Variants in PTTG1IP observed in about 807,000 individuals in gnomAD.
The protein encoded by PTTG1IP is PTTG1 interacting protein, also known as pituitary tumor-transforming gene 1 protein-interacting protein.
Under a neutral mutation model 24.4 loss-of-function variants are expected in PTTG1IP, and 16 were observed. That is an observed-to-expected ratio of 0.66 (90% CI 0.44 to 1.00). PTTG1IP has a LOEUF of 1.00. PTTG1IP is among the 50% of genes least tolerant of loss of function. The pLI is 0.00. For missense variants in PTTG1IP, 241 were observed against 245.8 expected (o/e 0.98, Z 0.13); for synonymous variants, 89 against 96.8 (o/e 0.92, Z 0.47).
At chr21:44,853,792 G>A (rs1009454206) in intron 5 of PTTG1IP, among the ~76,000 whole-genome samples, 4 of 152,184 alleles carry the variant, frequency 2.6e-5, no homozygotes, top group Non-Finnish European at 4.4e-5. Context: ...GAGAGTCAGC[G>A]CCCAAGCACA....
chr21:44,855,277 A>G, intron 4 of PTTG1IP, 21 bp from the exon 5 acceptor site: 1 of 1,605,758 alleles, frequency 6.2e-7, no homozygotes, highest in East Asian at 2.2e-5. Context: ...GAGGAACATT[A>G]TGAGCACCAA....
chr21:44,857,659 T>C (rs990731314), intron 3 of PTTG1IP, among the ~76,000 whole-genome samples: 1 of 152,262 alleles, frequency 6.6e-6, no homozygotes, highest in Non-Finnish European at 1.5e-5. Context: ...ACTTGCTGCA[T>C]GCCTGGGCCC....
chr21:44,861,794 C>T, intron 2 of PTTG1IP: 1 of 717,554 alleles, frequency 1.4e-6, no homozygotes, highest in East Asian at 2.7e-5. Flanking sequence ...ACTTCACTGG[C>T]TGAAGTCTCC....
chr21:44,851,275 C>A lies in PTTG1IP; in HGVS notation c.*306G>T. On this transcript the variant is annotated 3_prime_UTR_variant, in exon 6 of 6. Transcript: ENST00000330938. ...TGACAGCCACAGCGCTGGGTGCCGT[C>A]AGGCGGCTTCGTGTGCAGTTAGCGT... is the stretch of plus-strand genomic sequence containing the variant. The A allele has an allele frequency of 7.2e-7, 1 of 1,385,830 alleles. No individual in the cohort carries two copies. Among genetic ancestry groups the A allele is most frequent in the East Asian group, 2.5e-5 (1 of 39,576 alleles). 85.8% of individuals were successfully genotyped at this position (1,385,830 alleles called of 1,614,324 possible).
rs1757459524 is a variant in PTTG1IP at position 44,865,461 on chromosome 21, G to C, written c.116-14C>G. 2 of 1,613,894 alleles carry C rather than the reference G, an allele frequency of 1.2e-6. No individual in the cohort carries two copies. The highest frequency in any genetic ancestry group is 1.7e-5 in the Admixed American group (1 of 59,998). On this transcript the variant is annotated splice_polypyrimidine_tract_variant and intron_variant, in intron 1 of 5. Coordinates refer to ENST00000330938, the MANE Select transcript of PTTG1IP (RefSeq NM_004339.4). ...TCTGAGAACAAGCTGCAGGAAAGAGGCAAGAGACAAGTCAGTCACTGAGAA... is the reference window on the plus strand; with the variant it reads ...TCTGAGAACAAGCTGCAGGAAAGAGCCAAGAGACAAGTCAGTCACTGAGAA...
In PTTG1IP at chr21:44,873,534, G is replaced by A. The variant is rs1032260127; in HGVS notation, c.83C>T (p.Pro28Leu). The A allele has an allele frequency of 2.0e-6, 3 of 1,469,946 alleles. No individual in the cohort carries two copies. The highest frequency in any genetic ancestry group is 2.7e-6 in the Non-Finnish European group (3 of 1,117,020). The allele number at this position is 1,469,946 out of a possible 1,614,324, so 91.1% of individuals were successfully genotyped here. Residue 28 changes from proline to leucine, a missense_variant, in exon 1 of 6, where the codon CCG becomes CTG. By Grantham distance (98) the Pro-to-Leu change is moderately conservative. Transcript: ENST00000330938. ...GGAALLLLLIPVAAAQEPPGA... is the reference protein window; with the variant it reads ...GGAALLLLLILVAAAQEPPGA... The stretch of plus-strand genomic sequence containing the variant: ...GGGAGGCTCCTGCGCGGCGGCCACC[G>A]GGATGAGCAGCAGGAGCAGCGCGGC...
At chr21:44,853,815 G>C (rs982216793) in intron 5 of PTTG1IP, among the ~76,000 whole-genome samples, 1 of 152,210 alleles carries the variant, frequency 6.6e-6, no homozygotes, top group Non-Finnish European at 1.5e-5. Flanking sequence ...GCACTCAGGA[G>C]ACTGATGGGC....
At chr21:44,870,153 A>G (rs1041035674) in intron 1 of PTTG1IP, among the ~76,000 whole-genome samples, 4 of 152,208 alleles carry the variant, frequency 2.6e-5, no homozygotes, top group African/African-American at 9.6e-5. Context: ...AATAAGGGGG[A>G]AAACACCAAT....
At chr21:44,856,077 A>T in intron 4 of PTTG1IP, 116 bp downstream of exon 4, 1 of 1,593,740 alleles carries the variant, frequency 6.3e-7, no homozygotes, top group Non-Finnish European at 8.6e-7. Flanking sequence ...CACTATACAC[A>T]TTCTTAATTT....
At chr21:44,861,561 C>CA (rs1228808608) in intron 2 of PTTG1IP, among the ~76,000 whole-genome samples, 2 of 152,188 alleles carry the variant, frequency 1.3e-5, no homozygotes, top group Non-Finnish European at 2.9e-5. Context: ...GTGTTGGCAG[C>CA]CTCCTGAGTG....
At chr21:44,872,444 G>A (rs917002553) in intron 1 of PTTG1IP, among the ~76,000 whole-genome samples, 1 of 152,168 alleles carries the variant, frequency 6.6e-6, no homozygotes, top group Non-Finnish European at 1.5e-5. Context: ...AGCCCCTCAA[G>A]CTGGGCCCAG....
At chr21:44,864,771 G>T (rs563745350) in intron 2 of PTTG1IP, among the ~76,000 whole-genome samples, 95 of 152,344 alleles carry the variant, frequency 6.2e-4, no homozygotes, top group Middle Eastern at 3.4e-3. Context: ...TTCCAGGTGG[G>T]CATCTGCATC....
Position 44,865,451 on chromosome 21 carries a change from C to T in PTTG1IP, c.116-4G>A. ...TTGTTTGTGTTCTGAGAACAAGCTG[C>T]AGGAAAGAGGCAAGAGACAAGTCAG... On this transcript the variant is annotated splice_polypyrimidine_tract_variant and splice_region_variant and intron_variant, in intron 1 of 5. Coordinates refer to ENST00000330938, the MANE Select transcript of PTTG1IP (RefSeq NM_004339.4). The T allele has an allele frequency of 6.2e-7, 1 of 1,614,108 alleles. No individual in the cohort carries two copies. The highest frequency in any genetic ancestry group is 8.5e-7 in the Non-Finnish European group (1 of 1,179,992).
intron 1 of PTTG1IP, among the ~76,000 whole-genome samples, chr21:44,868,786 A>G (rs2083562584): frequency 6.6e-6 from 1 of 152,126 alleles, no homozygotes; most frequent in South Asian, 2.1e-4. Flanking sequence ...AAAGATGCCA[A>G]GTCCACTGGG....
intron 3 of PTTG1IP, among the ~76,000 whole-genome samples, chr21:44,857,471 G>A (rs1179137612): frequency 3.9e-5 from 6 of 152,182 alleles, no homozygotes; most frequent in Non-Finnish European, 5.9e-5. Context: ...CGGGCAACAC[G>A]GCAAGACACC....
Position 44,851,529 on chromosome 21 carries a change from C to A in PTTG1IP, c.*52G>T, listed in dbSNP as rs775948511. On this transcript the variant is annotated 3_prime_UTR_variant, in exon 6 of 6. Coordinates refer to ENST00000330938, the MANE Select transcript of PTTG1IP (RefSeq NM_004339.4). The stretch of plus-strand genomic sequence containing the variant: ...CACGTGGTCTCCCGGCTGGGCTGGG[C>A]TGCGGAGCGTGCACCTCACAGGAAG... 1.9e-6 allele frequency: 3 copies of A among 1,613,976 alleles called. No homozygotes were observed. The Admixed American group carries it at 5.0e-5, about 27-fold the overall frequency.
In PTTG1IP at chr21:44,856,382, T is replaced by C; in HGVS notation, c.278-18A>G. 1 of 1,600,566 alleles carries C rather than the reference T, an allele frequency of 6.2e-7. No homozygotes were observed. The highest frequency in any genetic ancestry group is 1.1e-5 in the South Asian group (1 of 88,838). ...AAAGTTCACTGGAGATTCAAGCACCTGGAGTTAGGGCCGCCCCAGACACAG... is the reference window on the plus strand; with the variant it reads ...AAAGTTCACTGGAGATTCAAGCACCCGGAGTTAGGGCCGCCCCAGACACAG... On this transcript the variant is annotated intron_variant, in intron 3 of 5. Transcript: ENST00000330938.
intron 5 of PTTG1IP, 32 bp downstream of exon 5, chr21:44,855,178 C>G: frequency 6.3e-7 from 1 of 1,589,238 alleles, no homozygotes; most frequent in South Asian, 1.1e-5. Flanking sequence ...CGCCTCCCAA[C>G]CAGACAAAAA....
chr21:44,861,261 C>T lies in PTTG1IP; in HGVS notation c.179G>A (p.Cys60Tyr). The T allele has an allele frequency of 6.2e-7, 1 of 1,612,574 alleles. No individual in the cohort carries two copies. The highest frequency in any genetic ancestry group is 8.5e-7 in the Non-Finnish European group (1 of 1,178,842). The stretch of plus-strand genomic sequence containing the variant: ...GTCCAGACAAGCCTTGTTAGTGTTG[C>T]ACCAAAGACACTGAAAGAGACCAAC... ...ECLKNVSCLWCNTNKACLDYP... is the reference protein window; with the variant it reads ...ECLKNVSCLWYNTNKACLDYP... Residue 60 changes from cysteine to tyrosine, a missense_variant, in exon 3 of 6, where the codon TGC (cysteine) becomes TAC (tyrosine). Transcript: ENST00000330938.
Sources: allele counts gnomAD v4.1 joint callset (sites outside exome capture counted in the v4.1 genomes callset), GRCh38; gene constraint gnomAD v4.1.1; transcripts MANE v1.5; gene names NCBI Gene and HGNC (gene_info 2026-07-23, HGNC 2026-07-21).